KCNIP2: variants seen among roughly 807,000 people sequenced by gnomAD.
KCNIP2 encodes the protein potassium voltage-gated channel interacting protein 2, also known as A-type potassium channel modulatory protein KCNIP2.
In KCNIP2, 19 loss-of-function variants were observed where a neutral mutation model predicts 39.0. The ratio of observed to expected loss-of-function variants is 0.49; its 90% confidence interval spans 0.34 to 0.71. KCNIP2 has a LOEUF of 0.71. KCNIP2 is among the 30% of genes least tolerant of loss of function. The pLI is 0.01. For missense variants in KCNIP2, 261 were observed against 346.0 expected, an observed-to-expected ratio of 0.75 and a Z score of 1.95; for synonymous variants, 111 against 131.2, an observed-to-expected ratio of 0.85 and a Z score of 1.05.
chr10:101,835,451 G>A (rs1315186134), intron 1 of KCNIP2, among the ~76,000 whole-genome samples: 1 of 152,156 alleles, frequency 6.6e-6, no homozygotes, highest in Non-Finnish European at 1.5e-5. Context: ...CAAGCTTCTT[G>A]GGAGAGGAGG....
chr10:101,843,434 C>G lies in KCNIP2; in HGVS notation c.73+62G>C. 8.7e-7 allele frequency: 1 copy of G among 1,149,726 alleles called. No homozygotes were observed. The highest frequency in any genetic ancestry group is 1.2e-6 in the Non-Finnish European group (1 of 841,150). The allele number at this position is 1,149,726 out of a possible 1,614,324, so 71.2% of individuals were successfully genotyped here. On this transcript the variant is annotated intron_variant, in intron 1 of 9. Transcript: ENST00000356640. This position sits in a 1 kb window ranked among gnomAD's most constrained non-coding sequence, Gnocchi z 6.7. ...GCGGGCCAGGCCGGGGTCGGAGAGG[C>G]GGAAGGGTCTGGAGGAATGGAATCC... is the stretch of plus-strand genomic sequence containing the variant.
At chr10:101,837,214 A>G (rs1022439113) in intron 1 of KCNIP2, among the ~76,000 whole-genome samples, 1 of 152,204 alleles carries the variant, frequency 6.6e-6, no homozygotes, top group African/African-American at 2.4e-5. Flanking sequence ...CCTGAGAGGT[A>G]GGATCTATTA....
In KCNIP2 at chr10:101,827,554, C is replaced by G. The variant is rs2135126981; in HGVS notation, c.765+135G>C. 2.3e-6 allele frequency: 3 copies of G among 1,300,754 alleles called. No homozygotes were observed. The East Asian group carries it at 6.9e-5, about 30-fold the overall frequency. 80.6% of individuals were successfully genotyped at this position (1,300,754 alleles called of 1,614,324 possible). ...AGACCTGAGGTAGGGAAGGGGTAAGCCTCCCACAAAGGAATAGGATTGAAA... is the reference window on the plus strand; with the variant it reads ...AGACCTGAGGTAGGGAAGGGGTAAGGCTCCCACAAAGGAATAGGATTGAAA... On this transcript the variant is annotated intron_variant, in intron 9 of 9. Transcript: ENST00000356640.
intron 1 of KCNIP2, among the ~76,000 whole-genome samples, chr10:101,835,950 T>C (rs1452102478): frequency 6.6e-6 from 1 of 152,228 alleles, no homozygotes; most frequent in Non-Finnish European, 1.5e-5. Context: ...CCAGTCTGAC[T>C]CAGCCTTCAC....
chr10:101,830,982 G>GCAGGCCTGGGGCACACGCGCACACACT (rs2065971536), intron 2 of KCNIP2, 90 bp downstream of exon 2: 3 of 1,173,248 alleles, frequency 2.6e-6, no homozygotes, highest in Non-Finnish European at 3.7e-6. Context: ...GCGCACACTC[G>GCAGGCCTGGGGCACACGCGCACACACT]CAGGCCTGGG....
chr10:101,843,576 G>A lies in KCNIP2; in HGVS notation c.-8C>T. 2.6e-6 allele frequency: 4 copies of A among 1,514,366 alleles called. No homozygotes were observed. The highest frequency in any genetic ancestry group is 3.5e-6 in the Non-Finnish European group (4 of 1,129,850). 93.8% of individuals were successfully genotyped at this position (1,514,366 alleles called of 1,614,324 possible). A position where few individuals can be genotyped will look rare whatever the true frequency, so the allele number is the denominator to read the frequency against. ...GCGGCCCTGGCCCCGCATGGCCCCC[G>A]GCGCCCCGCTCCCGCCCGGGCCGTG... is the stretch of plus-strand genomic sequence containing the variant. On this transcript the variant is annotated 5_prime_UTR_variant, in exon 1 of 10. Transcript: ENST00000356640. The surrounding 1 kb of genome is among the most constrained non-coding windows in gnomAD (Gnocchi z 6.7).
chr10:101,834,892 T>C lies in KCNIP2; in HGVS notation c.74-3725A>G, dbSNP rs191757275. On this transcript the variant is annotated intron_variant, in intron 1 of 9. Coordinates refer to ENST00000356640, the MANE Select transcript of KCNIP2 (RefSeq NM_173191.3). ...ATTCCTGTGTTTGTCAGTATGGCAG[T>C]GCATATGTCTCCTCTTATGTGTGTC... Among the ~76,000 whole-genome samples, 178 of 152,358 alleles carry C rather than the reference T, an allele frequency of 1.2e-3. 1 individual carries two copies. The highest frequency in any genetic ancestry group is 4.0e-3 in the African/African-American group (165 of 41,574).
intron 2 of KCNIP2, 119 bp from the exon 3 acceptor site, chr10:101,830,016 C>T (rs2065911691): frequency 3.4e-6 from 4 of 1,167,888 alleles, no homozygotes; most frequent in Admixed American, 4.9e-5. Context: ...CACACCCAAC[C>T]AGCACAGACA....
At position 101,827,939 on chromosome 10, in the gene KCNIP2, G is replaced by C; in HGVS notation, c.652C>G (p.Pro218Ala). 6.2e-7 allele frequency: 1 copy of C among 1,614,078 alleles called. No homozygotes were observed. Among genetic ancestry groups the C allele is most frequent in the Non-Finnish European group, 8.5e-7 (1 of 1,179,972 alleles). Residue 218 changes from proline (P) to alanine (A), a missense_variant, in exon 8 of 10, where the codon CCT becomes GCT. Physicochemically the swap from Pro to Ala is conservative, Grantham distance 27. Transcript: ENST00000356640. ...IYDMMGKYTYPALREEAPREH... is the reference protein window; with the variant it reads ...IYDMMGKYTYAALREEAPREH... ...CTTGGGGCCTCCTCCCGGAGTGCAG[G>C]GTACGTGTACTTGCCCATCATGTCA...
Position 101,843,535 on chromosome 10 carries a change from C to A in KCNIP2, c.34G>T (p.Asp12Tyr). 6.3e-7 allele frequency: 1 copy of A among 1,579,666 alleles called. No individual in the cohort carries two copies. Reference sequence around the variant, plus strand: ...TAGGAGCCGTCCAGGTCTCGGGAATCGGACAAACTCTCCTTGCGGCCCTGG... The same window carrying A: ...TAGGAGCCGTCCAGGTCTCGGGAATAGGACAAACTCTCCTTGCGGCCCTGG... ...RGQGRKESLSDSRDLDGSYDQ... is the reference protein window; with the variant it reads ...RGQGRKESLSYSRDLDGSYDQ... Residue 12 changes from aspartate to tyrosine, a missense_variant, in exon 1 of 10, where the codon GAT (aspartate) becomes TAT (tyrosine). Coordinates refer to ENST00000356640, the MANE Select transcript of KCNIP2 (RefSeq NM_173191.3). The surrounding 1 kb of genome is among the most constrained non-coding windows in gnomAD (Gnocchi z 6.7).
rs1189730799 is a variant in KCNIP2 at position 101,839,830 on chromosome 10, C to A, written c.73+3666G>T. The A allele has an allele frequency of 3.7e-6, 6 of 1,609,064 alleles. No individual in the cohort carries two copies. The East Asian group carries it at 6.8e-5, about 18-fold the overall frequency. On this transcript the variant is annotated intron_variant, in intron 1 of 9. Transcript: ENST00000356640. The stretch of plus-strand genomic sequence containing the variant: ...CAGCGGGCTCCGGCACCTGCGGGGG[C>A]ATCGGTTCATGGTTTGGCGGCGAGC...
chr10:101,839,916 A>T lies in KCNIP2; in HGVS notation c.73+3580T>A. On this transcript the variant is annotated intron_variant, in intron 1 of 9. Coordinates refer to ENST00000356640, the MANE Select transcript of KCNIP2 (RefSeq NM_173191.3). ...GTCCGGTCTCCGCCCTCACCCGGGT[A>T]GGCCCGCGTGGGCGGCGCGGGAGGG... 3 of 1,435,892 alleles carry T rather than the reference A, an allele frequency of 2.1e-6. 1 individual carries two copies. The highest frequency in any genetic ancestry group is 2.8e-6 in the Non-Finnish European group (3 of 1,080,064). The allele number at this position is 1,435,892 out of a possible 1,614,324, so 88.9% of individuals were successfully genotyped here.
chr10:101,828,388 C>T lies in KCNIP2; in HGVS notation c.489+1G>A, dbSNP rs781295665. 1 of 1,614,030 alleles carries T rather than the reference C, an allele frequency of 6.2e-7. No individual in the cohort carries two copies. The highest frequency in any genetic ancestry group is 1.3e-5 in the African/African-American group (1 of 74,922). ...TCCCTGGCCCACCTCGCCCAGCTCA[C>T]CTCAAAACTGACCGAGCCATCATGG... On this transcript the variant is annotated splice_donor_variant, in intron 6 of 9. Transcript: ENST00000356640. LOFTEE classifies it high-confidence loss of function. The surrounding 1 kb of genome is among the most constrained non-coding windows in gnomAD (Gnocchi z 6.6).
intron 2 of KCNIP2, 116 bp downstream of exon 2, chr10:101,830,956 T>G: frequency 5.4e-6 from 5 of 917,708 alleles, no homozygotes; most frequent in African/African-American, 1.7e-5. Flanking sequence ...CCCCCACACA[T>G]GCAGGCCTGG....
intron 1 of KCNIP2, among the ~76,000 whole-genome samples, chr10:101,832,872 C>T (rs986786826): frequency 6.6e-6 from 1 of 152,184 alleles, no homozygotes; most frequent in Admixed American, 6.5e-5. Flanking sequence ...CTCTCTTCCC[C>T]CTTTCCCATC....
At chr10:101,840,951 C>T (rs76487822) in intron 1 of KCNIP2, among the ~76,000 whole-genome samples, 1 of 152,346 alleles carries the variant, frequency 6.6e-6, no homozygotes, top group East Asian at 1.9e-4. Context: ...ACCCTCTCCG[C>T]ATCTTCTCTT....
Position 101,843,575 on chromosome 10 carries a change from C to G in KCNIP2, c.-7G>C. The G allele has an allele frequency of 6.6e-7, 1 of 1,514,026 alleles. No individual in the cohort carries two copies. Among genetic ancestry groups the G allele is most frequent in the South Asian group, 1.2e-5 (1 of 80,020 alleles). 93.8% of individuals were successfully genotyped at this position (1,514,026 alleles called of 1,614,324 possible). On this transcript the variant is annotated 5_prime_UTR_variant, in exon 1 of 10. Coordinates refer to ENST00000356640, the MANE Select transcript of KCNIP2 (RefSeq NM_173191.3). The surrounding 1 kb of genome is among the most constrained non-coding windows in gnomAD (Gnocchi z 6.7). ...TGCGGCCCTGGCCCCGCATGGCCCC[C>G]GGCGCCCCGCTCCCGCCCGGGCCGT...
At chr10:101,836,164 C>CG (rs1373805144) in intron 1 of KCNIP2, among the ~76,000 whole-genome samples, 7 of 152,212 alleles carry the variant, frequency 4.6e-5, no homozygotes, top group Admixed American at 2.0e-4. Context: ...CAGCCACCAC[C>CG]GGGGGGCACG....
chr10:101,831,774 C>T (rs745427019), intron 1 of KCNIP2, among the ~76,000 whole-genome samples: 2 of 152,200 alleles, frequency 1.3e-5, no homozygotes, highest in African/African-American at 4.8e-5. Flanking sequence ...GATCAAACCA[C>T]ACAAGAACAC....
Sources: allele counts gnomAD v4.1 joint callset (sites outside exome capture counted in the v4.1 genomes callset), GRCh38; gene constraint gnomAD v4.1.1; non-coding constraint Gnocchi (gnomAD v3.1); transcripts MANE v1.5; gene names NCBI Gene and HGNC (gene_info 2026-07-23, HGNC 2026-07-21).